XKR9: variants seen among roughly 807,000 people sequenced by gnomAD.
The protein encoded by XKR9 is XK related 9.
In XKR9, 32 loss-of-function variants were observed where a neutral mutation model predicts 32.0. That is an observed-to-expected ratio of 1.00 (90% CI 0.76 to 1.34). XKR9 has a LOEUF of 1.34. Among genes scored for constraint, XKR9 ranks in the 40% most tolerant of loss-of-function variants. XKR9 has a pLI of 0.00. For synonymous variants in XKR9, 168 were observed against 143.4 expected (o/e 1.17, Z -1.22); for missense variants, 546 against 429.7 (o/e 1.27, Z -2.39).
chr8:70,903,502 A>G, the XKR9 span, among the ~76,000 whole-genome samples: 1 of 151,904 alleles, frequency 6.6e-6, no homozygotes, highest in Admixed American at 6.6e-5. Flanking sequence ...ATCATTTTTT[A>G]TTGTGTATAT....
At chr8:70,939,674 A>G in the XKR9 span, among the ~76,000 whole-genome samples, 1 of 152,054 alleles carries the variant, frequency 6.6e-6, no homozygotes, top group Non-Finnish European at 1.5e-5. Context: ...AGTAATCAAT[A>G]CAATACTGGG....
chr8:70,876,218 C>CTTTTTTTT, the XKR9 span, among the ~76,000 whole-genome samples: 2 of 101,482 alleles, frequency 2.0e-5, no homozygotes, highest in African/African-American at 4.2e-5. Flanking sequence ...AAGATTCGTT[C>CTTTTTTTT]TTTTTTTTTT....
At chr8:71,035,436 C>G in the XKR9 span, among the ~76,000 whole-genome samples, 3 of 152,144 alleles carry the variant, frequency 2.0e-5, no homozygotes, top group Non-Finnish European at 2.9e-5. Flanking sequence ...TGTATTAAGG[C>G]AAGATGTTAA....
the XKR9 span, among the ~76,000 whole-genome samples, chr8:71,060,148 A>G: frequency 6.6e-6 from 1 of 152,182 alleles, no homozygotes; most frequent in Non-Finnish European, 1.5e-5. Context: ...TGTGGCCTCA[A>G]CATTTCTTCA....
At chr8:71,060,239 C>T in the XKR9 span, among the ~76,000 whole-genome samples, 1 of 152,112 alleles carries the variant, frequency 6.6e-6, no homozygotes, top group Non-Finnish European at 1.5e-5. Context: ...GATGCTGGGC[C>T]CAGAACCTAG....
chr8:70,938,527 T>C, the XKR9 span, among the ~76,000 whole-genome samples: 57 of 152,042 alleles, frequency 3.7e-4, no homozygotes, highest in Non-Finnish European at 4.4e-5. Context: ...GAAAATACTT[T>C]AGTCTAATGC....
At chr8:70,946,394 A>G in the XKR9 span, among the ~76,000 whole-genome samples, 3 of 152,132 alleles carry the variant, frequency 2.0e-5, no homozygotes, top group Non-Finnish European at 2.9e-5. Flanking sequence ...GATAAAAACT[A>G]TAAGGCCTCC....
the XKR9 span, among the ~76,000 whole-genome samples, chr8:70,889,691 A>C: frequency 6.6e-6 from 1 of 151,906 alleles, no homozygotes; most frequent in Admixed American, 6.6e-5. Flanking sequence ...TTGTTTCTGC[A>C]TGCATTTGCT....
chr8:70,674,482 C>T (rs117010688), intron 1 of XKR9, among the ~76,000 whole-genome samples: 2 of 152,322 alleles, frequency 1.3e-5, no homozygotes, highest in Admixed American at 6.5e-5. Flanking sequence ...GTAGGTAGGG[C>T]TGAGTTTATG....
At chr8:70,961,025 C>T in the XKR9 span, among the ~76,000 whole-genome samples, 1 of 152,192 alleles carries the variant, frequency 6.6e-6, no homozygotes, top group Non-Finnish European at 1.5e-5. Flanking sequence ...CAAAAATTAG[C>T]CGGGTACGAC....
At chr8:70,856,377 G>A in the XKR9 span, among the ~76,000 whole-genome samples, 2 of 151,200 alleles carry the variant, frequency 1.3e-5, no homozygotes, top group Non-Finnish European at 3.0e-5. Context: ...AAAGAGACAA[G>A]GCCATTACAT....
the XKR9 span, among the ~76,000 whole-genome samples, chr8:70,808,404 C>G: frequency 1.3e-5 from 2 of 151,946 alleles, no homozygotes; most frequent in Non-Finnish European, 2.9e-5. Context: ...GCATTTCCAA[C>G]TGAGGTACTG....
At chr8:70,924,132 T>C in the XKR9 span, among the ~76,000 whole-genome samples, 1 of 152,242 alleles carries the variant, frequency 6.6e-6, no homozygotes, top group Non-Finnish European at 1.5e-5. Context: ...AACAACCAAC[T>C]ATTGCAAGAT....
chr8:70,711,308 T>C (rs556657920), intron 4 of XKR9, among the ~76,000 whole-genome samples: 2 of 152,266 alleles, frequency 1.3e-5, no homozygotes, highest in East Asian at 3.9e-4. Flanking sequence ...TGTTATACCA[T>C]GAAGATGCAT....
At chr8:71,063,843 T>C in the XKR9 span, among the ~76,000 whole-genome samples, 1 of 152,226 alleles carries the variant, frequency 6.6e-6, no homozygotes, top group Non-Finnish European at 1.5e-5. Context: ...TGTTTTCAAT[T>C]CTAAAAAATA....
At chr8:70,710,224 A>G (rs1805865515) in intron 4 of XKR9, among the ~76,000 whole-genome samples, 1 of 152,216 alleles carries the variant, frequency 6.6e-6, no homozygotes, top group Admixed American at 6.5e-5. Flanking sequence ...GTACTGGGAA[A>G]ACAGGCTAGC....
chr8:70,947,709 G>T, the XKR9 span, among the ~76,000 whole-genome samples: 1 of 152,162 alleles, frequency 6.6e-6, no homozygotes, highest in Non-Finnish European at 1.5e-5. Context: ...GTTATACCAG[G>T]ACTATTTGGA....
the XKR9 span, among the ~76,000 whole-genome samples, chr8:70,874,459 A>G: frequency 1.3e-5 from 2 of 152,226 alleles, no homozygotes; most frequent in Non-Finnish European, 2.9e-5. Flanking sequence ...TAAGATAGTA[A>G]TATAAAATTA....
intron 2 of XKR9, among the ~76,000 whole-genome samples, chr8:70,778,886 A>T (rs552494286): frequency 6.6e-6 from 1 of 152,310 alleles, no homozygotes; most frequent in South Asian, 2.1e-4. Context: ...CAGTTATGTC[A>T]TCTGCAAACA....
Sources: gnomAD v4.1 joint callset for allele counts (sites outside exome capture counted in the v4.1 genomes callset) on GRCh38, gnomAD v4.1.1 for gene constraint, MANE v1.5 for transcripts, NCBI Gene and HGNC (gene_info 2026-07-23, HGNC 2026-07-21) for gene names.